Variants in GAREM1 observed in about 807,000 individuals in gnomAD.
GAREM1 encodes GRB2-associated and regulator of MAPK protein 1.
A neutral mutation model predicts 71.3 loss-of-function variants in GAREM1; 26 were observed. The ratio of observed to expected loss-of-function variants is 0.36; its 90% CI spans 0.27 to 0.51. The LOEUF is 0.51. Ranked by LOEUF, GAREM1 falls within the 20% of genes least tolerant of loss-of-function variation. GAREM1 has a pLI of 0.95. For missense variants in GAREM1, 1,026 were observed against 1,103.1 expected, an observed-to-expected ratio of 0.93 and a Z score of 0.99; for synonymous variants, 440 against 433.2, an observed-to-expected ratio of 1.02 and a Z score of -0.20.
rs541777462 is a variant in GAREM1 at position 32,309,488 on chromosome 18, T to C, written c.393+705A>G. 9.0e-4 allele frequency among the ~76,000 whole-genome samples: 120 copies of C among 133,244 alleles called. 7 individuals are homozygous for C. The highest frequency in any genetic ancestry group is 2.8e-3 in the African/African-American group (99 of 34,834). The allele number at this position is 133,244 out of a possible 152,430, so 87.4% of individuals were successfully genotyped here. A position where few individuals can be genotyped will look rare whatever the true frequency, so the allele number is the denominator to read the frequency against. On this transcript the variant is annotated intron_variant, in intron 3 of 5. Transcript: ENST00000269209. ...AAAAATAGCTGGGCGTGGCGGTGTG[T>C]GCCTATAGCCCCAGCTGCTGGGGAG...
At position 32,310,196 on chromosome 18, in the gene GAREM1, C is replaced by T. The variant is rs1277768788; in HGVS notation, c.390G>A (p.Val130=). 3.7e-6 allele frequency: 6 copies of T among 1,613,886 alleles called. No individual in the cohort carries two copies. Among genetic ancestry groups the T allele is most frequent in the Non-Finnish European group, 5.1e-6 (6 of 1,179,914 alleles). ...VYVMEDITFN[V]KVASGECNED... is the part of the protein sequence containing the mutation. ...TTGGTGCTTCAAGAGCTACTACCTT[C>T]ACGTTGAATGTGATATCCTCCATGA... The change falls in exon 3 of 6, where the codon GTG becomes GTA. Residue 130 remains valine (V), a synonymous_variant. Transcript: ENST00000269209.
intron 2 of GAREM1, among the ~76,000 whole-genome samples, chr18:32,392,203 GT>G (rs35687173): frequency 2.6e-4 from 39 of 147,496 alleles, no homozygotes; most frequent in East Asian, 1.2e-3. Context: ...GGTAACATAA[GT>G]TTTTTTTTTT....
chr18:32,292,822 T>C (rs1425738892), intron 3 of GAREM1, among the ~76,000 whole-genome samples: 3 of 152,156 alleles, frequency 2.0e-5, no homozygotes, highest in African/African-American at 7.2e-5. Context: ...AATGGACTAA[T>C]ACACTTTGAC....
rs1286519357 is a variant in GAREM1, at chr18:32,348,916, A to G, written c.263-38593T>C. On this transcript the variant is annotated intron_variant, in intron 2 of 5. Coordinates refer to ENST00000269209, the MANE Select transcript of GAREM1 (RefSeq NM_001242409.2). ...TACTATAATAAATCCATATAAACAC[A>G]TCCATATTTGTTGGGCATTTACAAA... Among the ~76,000 whole-genome samples, 16 of 152,202 alleles carry G rather than the reference A, an allele frequency of 1.1e-4. 1 individual carries two copies. Among genetic ancestry groups the G allele is most frequent in the Admixed American group, 1.0e-3 (16 of 15,280 alleles).
At chr18:32,344,054 G>A (rs779886680) in intron 2 of GAREM1, among the ~76,000 whole-genome samples, 5 of 152,090 alleles carry the variant, frequency 3.3e-5, no homozygotes, top group Non-Finnish European at 5.9e-5. Context: ...ATCCTATTCT[G>A]GTCTCCTCCC....
intron 2 of GAREM1, among the ~76,000 whole-genome samples, chr18:32,364,690 T>G (rs111238901): frequency 1.3e-5 from 2 of 152,180 alleles, no homozygotes; most frequent in Admixed American, 1.3e-4. Flanking sequence ...TGGTAAAATA[T>G]ACTTATAAAA....
At position 32,470,512 on chromosome 18, in the gene GAREM1, C is replaced by T. The variant is rs1169300705; in HGVS notation, c.-84G>A. 3 of 1,038,672 alleles carry T rather than the reference C, an allele frequency of 2.9e-6. No homozygotes were observed. 64.3% of individuals were successfully genotyped at this position (1,038,672 alleles called of 1,614,324 possible). A position where few individuals can be genotyped will look rare whatever the true frequency, so the allele number is the denominator to read the frequency against. On this transcript the variant is annotated 5_prime_UTR_variant, in exon 1 of 6. Coordinates refer to ENST00000269209, the MANE Select transcript of GAREM1 (RefSeq NM_001242409.2). The surrounding 1 kb of genome is among the most constrained non-coding windows in gnomAD (Gnocchi z 4.4). The stretch of plus-strand genomic sequence containing the variant: ...CTCGGCGGCCGCCGCTGCTCGCGCT[C>T]GCGGTCTGGGGCGCGCGGGAGGCGC...
intron 3 of GAREM1, among the ~76,000 whole-genome samples, chr18:32,293,469 G>C (rs537720318): frequency 6.6e-6 from 1 of 150,672 alleles, no homozygotes; most frequent in South Asian, 2.1e-4. Context: ...AATAAAACAG[G>C]AACACCTAAG....
intron 2 of GAREM1, among the ~76,000 whole-genome samples, chr18:32,341,850 C>T (rs1394520409): frequency 6.6e-6 from 1 of 151,866 alleles, no homozygotes; most frequent in East Asian, 1.9e-4. Context: ...GAATGGATTC[C>T]AGATTTACAT....
At chr18:32,381,807 C>A (rs993089151) in intron 2 of GAREM1, among the ~76,000 whole-genome samples, 1 of 152,222 alleles carries the variant, frequency 6.6e-6, no homozygotes, top group Non-Finnish European at 1.5e-5. Flanking sequence ...TTTCTAACTT[C>A]ATCTCCTAAA....
chr18:32,468,960 T>TCCCCCCCCCCCCCCCCCC (rs34977174), intron 1 of GAREM1, among the ~76,000 whole-genome samples: 70 of 82,194 alleles, frequency 8.5e-4, no homozygotes, highest in African/African-American at 1.3e-3. Flanking sequence ...CACCTGTGCG[T>TCCCCCCCCCCCCCCCCCC]CCCCCCCCCC....
At chr18:32,405,786 G>C (rs1395866658) in intron 1 of GAREM1, among the ~76,000 whole-genome samples, 1 of 152,210 alleles carries the variant, frequency 6.6e-6, no homozygotes, top group African/African-American at 2.4e-5. Flanking sequence ...ACAAAGTGAA[G>C]ATAGCACAGC....
chr18:32,463,176 C>T (rs572062746), intron 1 of GAREM1, among the ~76,000 whole-genome samples: 46 of 152,136 alleles, frequency 3.0e-4, no homozygotes, highest in African/African-American at 1.1e-3. Flanking sequence ...TGAAATGCCA[C>T]ATTGTACTCC....
At chr18:32,464,081 AG>A (rs200062178) in intron 1 of GAREM1, among the ~76,000 whole-genome samples, 2,468 of 151,650 alleles carry the variant, frequency 0.016, 49 homozygotes, top group Non-Finnish European at 0.017. Context: ...ATTTGAGGTC[AG>A]GAGTTCAAGA....
intron 2 of GAREM1, among the ~76,000 whole-genome samples, chr18:32,313,103 A>G (rs746274369): frequency 1.3e-5 from 2 of 152,226 alleles, no homozygotes; most frequent in African/African-American, 4.8e-5. Context: ...GGTCAGATGC[A>G]CAGAGGCTGG....
intron 2 of GAREM1, among the ~76,000 whole-genome samples, chr18:32,337,424 C>T (rs1313858216): frequency 2.0e-5 from 3 of 152,200 alleles, no homozygotes; most frequent in Non-Finnish European, 4.4e-5. Flanking sequence ...TTTTAGGACA[C>T]TACGATTTAG....
In GAREM1 at chr18:32,287,143, A is replaced by G. The variant is rs370032993; in HGVS notation, c.1454T>C (p.Val485Ala). The G allele has an allele frequency of 1.9e-5, 30 of 1,614,112 alleles. No homozygotes were observed. The highest frequency in any genetic ancestry group is 6.7e-5 in the Admixed American group (4 of 60,012). ...KNRCDQFRGS[V>A]RSKCATSPLP... Reference sequence around the variant, plus strand: ...AGGAGAAGTCGCACATTTGGATCGGACAGAACCTCTAAACTGATCACATCT... The same window carrying G: ...AGGAGAAGTCGCACATTTGGATCGGGCAGAACCTCTAAACTGATCACATCT... The change falls in exon 4 of 6, where the codon GTC (valine) becomes GCC (alanine). Residue 485 changes from valine to alanine, a missense_variant. Physicochemically the swap from Val to Ala is moderately conservative, Grantham distance 64. Transcript: ENST00000269209. The surrounding 1 kb of genome is among the most constrained non-coding windows in gnomAD (Gnocchi z 5.9).
intron 1 of GAREM1, among the ~76,000 whole-genome samples, chr18:32,399,948 C>G (rs992408622): frequency 3.3e-5 from 5 of 152,178 alleles, no homozygotes; most frequent in African/African-American, 1.2e-4. Context: ...GTAACCAAAA[C>G]AGCATGGTAC....
chr18:32,304,148 A>G (rs2047226134), intron 3 of GAREM1, among the ~76,000 whole-genome samples: 1 of 151,752 alleles, frequency 6.6e-6, no homozygotes, highest in Admixed American at 6.6e-5. Context: ...CTCTACTAAA[A>G]ATACAAAAAT....
Sources: gnomAD v4.1 joint callset for allele counts (sites outside exome capture counted in the v4.1 genomes callset) on GRCh38, gnomAD v4.1.1 for gene constraint, Gnocchi (gnomAD v3.1) non-coding constraint, MANE v1.5 for transcripts, NCBI Gene and HGNC (gene_info 2026-07-23, HGNC 2026-07-21) for gene names.